The following ELK1 variants were observed in gnomAD, a reference collection of about 807,000 sequenced individuals.
The protein encoded by ELK1 is ETS transcription factor ELK1, also known as ETS domain-containing protein Elk-1.
For synonymous variants in ELK1, 163 were observed against 176.3 expected, an observed-to-expected ratio of 0.92 and a Z score of 0.60; for missense variants, 254 against 381.5, an observed-to-expected ratio of 0.67 and a Z score of 2.78.
chrX:47,650,069 G>A (rs1420427343), intron 1 of ELK1, 43 bp from the exon 2 acceptor site: 4 of 91,830 alleles, frequency 4.4e-5, no homozygotes, highest in Admixed American at 1.3e-4. Flanking sequence ...CTATTAAGGG[G>A]GCTGAACACT....
Position 47,639,148 on chromosome X carries a change from G to C in ELK1, c.401C>G (p.Pro134Arg). 1 of 1,207,817 alleles carries C rather than the reference G, an allele frequency of 8.3e-7. No homozygotes were observed. Among genetic ancestry groups the C allele is most frequent in the Non-Finnish European group, 1.1e-6 (1 of 893,405 alleles). Residue 134 changes from proline (P) to arginine (R), a missense_variant, in exon 4 of 7, where the codon CCC becomes CGC. Pro to Arg is a moderately radical substitution (Grantham distance 103, BLOSUM62 -2). Coordinates refer to ENST00000376983, the MANE Select transcript of ELK1 (RefSeq NM_001114123.3). ...GDTVSGKPGT[P>R]KGAGMAGPGG... ...TGGGCCTGCCATTCCTGCACCCTTG[G>C]GTGTGCCTGGCTTTCCAGAGACAGT...
chrX:47,650,100 A>C (rs2058056316), intron 1 of ELK1, 74 bp from the exon 2 acceptor site: 1 of 15,421 alleles, frequency 6.5e-5, no homozygotes, highest in Admixed American at 8.8e-4. Context: ...AGCTCCCTAT[A>C]AGTGGGGGTG....
At chrX:47,642,216 C>A (rs909467257) in intron 2 of ELK1, among the ~76,000 whole-genome samples, 3 of 112,442 alleles carry the variant, frequency 2.7e-5, no homozygotes, top group African/African-American at 9.7e-5. Context: ...CGCAACCCTG[C>A]CAATACCTTG....
chrX:47,645,866 T>C (rs2058041993), intron 2 of ELK1, among the ~76,000 whole-genome samples: 1 of 111,985 alleles, frequency 8.9e-6, no homozygotes, highest in Admixed American at 9.4e-5. Flanking sequence ...TGCCTGCCCT[T>C]GCAAATCTGT....
At chrX:47,647,015 G>C (rs1361376051) in intron 2 of ELK1, among the ~76,000 whole-genome samples, 1 of 111,691 alleles carries the variant, frequency 9.0e-6, no homozygotes, top group East Asian at 2.8e-4. Flanking sequence ...CCTAATTCAA[G>C]AGTCACCTTC....
intron 3 of ELK1, among the ~76,000 whole-genome samples, chrX:47,639,847 C>A (rs2058022872): frequency 8.9e-6 from 1 of 112,571 alleles, no homozygotes; most frequent in Non-Finnish European, 1.9e-5. Context: ...CTAGCAAATG[C>A]AATAAGACAA....
intron 1 of ELK1, 39 bp downstream of exon 1, chrX:47,650,384 C>G (rs752777642): frequency 3.4e-6 from 1 of 295,564 alleles, no homozygotes; most frequent in Non-Finnish European, 6.5e-6. Context: ...TACGTGGGGT[C>G]ACGGACTGGG....
Position 47,637,962 on chromosome X carries a change from T to A in ELK1, c.875A>T (p.Asp292Val), listed in dbSNP as rs747375894. ...VPARLPAVVM[D>V]TAGQAGGHAA... ...ATGGCCGCCCGCCTGCCCTGCGGTG[T>A]CCATAACAACCGCGGGCAGCCGGGC... The change falls in exon 5 of 7, where the codon GAC (aspartate) becomes GTC (valine). Residue 292 changes from aspartate to valine, a missense_variant. Coordinates refer to ENST00000376983, the MANE Select transcript of ELK1 (RefSeq NM_001114123.3). 4.1e-6 allele frequency: 5 copies of A among 1,208,577 alleles called. No homozygotes were observed. Among genetic ancestry groups the A allele is most frequent in the Admixed American group, 2.2e-5 (1 of 45,948 alleles).
At chrX:47,645,073 AG>A (rs2058039557) in intron 2 of ELK1, among the ~76,000 whole-genome samples, 1 of 110,445 alleles carries the variant, frequency 9.1e-6, no homozygotes, top group Non-Finnish European at 1.9e-5. Flanking sequence ...AGAAGGGTCC[AG>A]GGTGAGTCTA....
At chrX:47,640,117 G>T (rs1297487947) in intron 3 of ELK1, among the ~76,000 whole-genome samples, 1 of 111,405 alleles carries the variant, frequency 9.0e-6, no homozygotes, top group East Asian at 2.8e-4. Context: ...TTGGGAGGGG[G>T]CCTATATCAA....
intron 2 of ELK1, among the ~76,000 whole-genome samples, chrX:47,645,059 T>C (rs1403450631): frequency 3.7e-5 from 4 of 106,977 alleles, no homozygotes; most frequent in African/African-American, 1.4e-4. Flanking sequence ...CCGGGGGAGG[T>C]GAGAGAAGGG....
At chrX:47,645,179 T>C (rs752707952) in intron 2 of ELK1, among the ~76,000 whole-genome samples, 1 of 111,035 alleles carries the variant, frequency 9.0e-6, no homozygotes, top group East Asian at 2.8e-4. Flanking sequence ...CACACCAGTT[T>C]TGGAGATGGT....
At chrX:47,644,071 A>T (rs1380298824) in intron 2 of ELK1, among the ~76,000 whole-genome samples, 1 of 112,156 alleles carries the variant, frequency 8.9e-6, no homozygotes, top group East Asian at 2.8e-4. Flanking sequence ...CCGATTAGAG[A>T]GTCCTGTCAC....
intron 2 of ELK1, among the ~76,000 whole-genome samples, chrX:47,647,845 G>A (rs892352897): frequency 2.7e-5 from 3 of 112,507 alleles, no homozygotes; most frequent in Non-Finnish European, 5.6e-5. Flanking sequence ...GTCAGACAGT[G>A]ATAAAGGGCA....
chrX:47,646,643 T>G (rs1261724041), intron 2 of ELK1, among the ~76,000 whole-genome samples: 1 of 112,723 alleles, frequency 8.9e-6, no homozygotes, highest in Non-Finnish European at 1.9e-5. Context: ...TGTATCTTTT[T>G]GTAGTGCATT....
intron 2 of ELK1, among the ~76,000 whole-genome samples, chrX:47,642,744 A>G (rs2058032575): frequency 9.1e-6 from 1 of 109,911 alleles, no homozygotes; most frequent in African/African-American, 3.3e-5. Flanking sequence ...GATTACAGGT[A>G]CCCACGACCA....
rs1437078658 is a variant in ELK1, at chrX:47,639,037, G to A, written c.512C>T (p.Pro171Leu). ...TFTIQSLQPQ[P>L]PPHPRPAVVL... ...CACAGCAGGCCGAGGATGAGGGGGT[G>A]GCTGCGGCTGCAGAGACTGGATGGT... is the stretch of plus-strand genomic sequence containing the variant. Residue 171 changes from proline to leucine, a missense_variant, in exon 4 of 7, where the codon CCA becomes CTA. Pro to Leu is a moderately conservative substitution (Grantham distance 98, BLOSUM62 -3). Transcript: ENST00000376983. The A allele has an allele frequency of 8.3e-7, 1 of 1,203,170 alleles. No individual in the cohort carries two copies. The highest frequency in any genetic ancestry group is 1.1e-6 in the Non-Finnish European group (1 of 891,536).
rs1321490906 is a variant in ELK1, at chrX:47,635,798, G to A, written c.*1031C>T. ...TCCCAACTCCAGGGACATTGAAAGG[G>A]TCCTTTGTACCCGCCCGCAGGAAAT... On this transcript the variant is annotated 3_prime_UTR_variant, in exon 7 of 7. Coordinates refer to ENST00000376983, the MANE Select transcript of ELK1 (RefSeq NM_001114123.3). The A allele has an allele frequency of 9.0e-6, 1 of 110,834 alleles. No individual in the cohort carries two copies. Among genetic ancestry groups the A allele is most frequent in the Admixed American group, 9.6e-5 (1 of 10,421 alleles). The allele number at this position is 110,834 out of a possible 1,213,427, so 9.1% of individuals were successfully genotyped here.
chrX:47,640,763 T>C (rs910734625), intron 3 of ELK1, among the ~76,000 whole-genome samples: 1 of 111,694 alleles, frequency 9.0e-6, no homozygotes, highest in Non-Finnish European at 1.9e-5. Context: ...TAAGCAAAAG[T>C]TGGTATAATA....
Sources: allele counts gnomAD v4.1 joint callset (sites outside exome capture counted in the v4.1 genomes callset), GRCh38; gene constraint gnomAD v4.1.1; transcripts MANE v1.5; gene names NCBI Gene and HGNC (gene_info 2026-07-23, HGNC 2026-07-21).